Variants in KCNQ3 observed in about 807,000 individuals in gnomAD.
KCNQ3 encodes the protein potassium voltage-gated channel subfamily Q member 3.
In KCNQ3, 30 loss-of-function variants were observed where a neutral mutation model predicts 92.5. That is an observed-to-expected ratio of 0.32 (90% CI 0.24 to 0.44). The LOEUF (loss-of-function observed/expected upper bound fraction) is 0.44, where lower values mean the gene tolerates loss of function less well. Ranked by LOEUF, KCNQ3 falls within the 20% of genes least tolerant of loss-of-function variation. KCNQ3 has a pLI of 1.00. For synonymous variants in KCNQ3, 450 were observed against 468.8 expected (o/e 0.96, Z 0.52); for missense variants, 913 against 1,140.3 (o/e 0.80, Z 2.87).
At chr8:132,135,003 G>C (rs966042181) in intron 12 of KCNQ3, among the ~76,000 whole-genome samples, 6 of 152,002 alleles carry the variant, frequency 3.9e-5, no homozygotes, top group Non-Finnish European at 8.8e-5. Context: ...TTTTATTTTA[G>C]GTTTGGGGGT....
intron 9 of KCNQ3, among the ~76,000 whole-genome samples, chr8:132,148,424 C>T (rs536788356): frequency 2.6e-4 from 39 of 152,258 alleles, no homozygotes; most frequent in South Asian, 1.7e-3. Context: ...TTAGTAGAGA[C>T]GGGGTTTCAC....
chr8:132,135,527 T>G (rs1471410402), intron 12 of KCNQ3, among the ~76,000 whole-genome samples: 1 of 152,120 alleles, frequency 6.6e-6, no homozygotes, highest in Non-Finnish European at 1.5e-5. Flanking sequence ...GCTGGGGATA[T>G]GCAATCAGAG....
rs144682519 is a variant in KCNQ3 at position 132,294,290 on chromosome 8, C to T, written c.387-108109G>A. On this transcript the variant is annotated intron_variant, in intron 1 of 14. Coordinates refer to ENST00000388996, the MANE Select transcript of KCNQ3 (RefSeq NM_004519.4). Reference sequence around the variant, plus strand: ...TGCTGGGATTACAGGCGTGAGCCACCGTACCTGGCCCACTAAGGTATTTTT... The same window carrying T: ...TGCTGGGATTACAGGCGTGAGCCACTGTACCTGGCCCACTAAGGTATTTTT... Among the ~76,000 whole-genome samples, 79 of 152,246 alleles carry T rather than the reference C, an allele frequency of 5.2e-4. No homozygotes were observed. The East Asian group carries it at 0.015, about 29-fold the overall frequency.
chr8:132,293,176 C>T (rs530295223), intron 1 of KCNQ3, among the ~76,000 whole-genome samples: 16 of 152,278 alleles, frequency 1.1e-4, no homozygotes, highest in Admixed American at 5.9e-4. Context: ...TTGTAATATC[C>T]ATATAATAAA....
intron 1 of KCNQ3, among the ~76,000 whole-genome samples, chr8:132,249,067 T>C (rs1815295427): frequency 6.6e-6 from 1 of 152,234 alleles, no homozygotes; most frequent in South Asian, 2.1e-4. Flanking sequence ...GTGGTCTCGC[T>C]GGCCTCAGGA....
At chr8:132,180,770 T>C (rs1231115443) in intron 3 of KCNQ3, among the ~76,000 whole-genome samples, 4 of 150,800 alleles carry the variant, frequency 2.7e-5, no homozygotes, top group African/African-American at 4.9e-5. Context: ...GAACTTGGGT[T>C]CAAGTAATTT....
chr8:132,316,810 A>G (rs543342545), intron 1 of KCNQ3, among the ~76,000 whole-genome samples: 1 of 152,354 alleles, frequency 6.6e-6, no homozygotes, highest in African/African-American at 2.4e-5. Context: ...AAATATAGTC[A>G]ATGAAAATTT....
chr8:132,460,564 T>C (rs948479283), intron 1 of KCNQ3, among the ~76,000 whole-genome samples: 3 of 152,174 alleles, frequency 2.0e-5, no homozygotes, highest in Admixed American at 2.0e-4. Flanking sequence ...AGCACTTACG[T>C]ACTAGGCCTT....
intron 1 of KCNQ3, among the ~76,000 whole-genome samples, chr8:132,431,616 T>TG (rs1821253701): frequency 7.0e-6 from 1 of 143,808 alleles, no homozygotes; most frequent in Non-Finnish European, 1.6e-5. Context: ...AACATATGTA[T>TG]GGGTTGAACT....
chr8:132,147,310 GT>G (rs1404638675), intron 9 of KCNQ3, among the ~76,000 whole-genome samples: 5 of 151,062 alleles, frequency 3.3e-5, no homozygotes, highest in African/African-American at 7.3e-5. Flanking sequence ...CAGATAAGTT[GT>G]GCAATCACAT....
At chr8:132,208,842 T>TG (rs969398593) in intron 1 of KCNQ3, among the ~76,000 whole-genome samples, 1 of 152,168 alleles carries the variant, frequency 6.6e-6, no homozygotes, top group African/African-American at 2.4e-5. Context: ...GTACCATACC[T>TG]GGCACATAGG....
intron 1 of KCNQ3, among the ~76,000 whole-genome samples, chr8:132,277,418 T>C (rs1439245721): frequency 6.6e-6 from 1 of 152,180 alleles, no homozygotes; most frequent in Non-Finnish European, 1.5e-5. Flanking sequence ...ATGCTGAGCA[T>C]CACAGATAGT....
chr8:132,129,361 T>C lies in KCNQ3; in HGVS notation c.2520A>G (p.Thr840=), dbSNP rs780185117. ...CGCTGGGCGTGAAGGGGTCCGTGTCTGTGTCCGTCTCACCCTCGGCGAGGT... is the reference window on the plus strand; with the variant it reads ...CGCTGGGCGTGAAGGGGTCCGTGTCCGTGTCCGTCTCACCCTCGGCGAGGT... ...KRYLAEGETD[T]DTDPFTPSGS... The change falls in exon 15 of 15, where the codon ACA becomes ACG. Residue 840 remains threonine (T), a synonymous_variant. Coordinates refer to ENST00000388996, the MANE Select transcript of KCNQ3 (RefSeq NM_004519.4). The surrounding 1 kb of genome is among the most constrained non-coding windows in gnomAD (Gnocchi z 5.9). The C allele has an allele frequency of 6.2e-7, 1 of 1,614,112 alleles. No individual in the cohort carries two copies. Among genetic ancestry groups the C allele is most frequent in the African/African-American group, 1.3e-5 (1 of 74,944 alleles).
rs144706694 is a variant in KCNQ3 at position 132,356,530 on chromosome 8, C to T, written c.386+123617G>A. The stretch of plus-strand genomic sequence containing the variant: ...GTCCACTCTGCAGACTCATCTTTCC[C>T]CTCAGGAATAACACACACTCTAGTC... On this transcript the variant is annotated intron_variant, in intron 1 of 14. Coordinates refer to ENST00000388996, the MANE Select transcript of KCNQ3 (RefSeq NM_004519.4). Among the ~76,000 whole-genome samples the T allele has an allele frequency of 5.3e-3, 809 of 152,242 alleles. 6 individuals carry two copies. Among genetic ancestry groups the T allele is most frequent in the African/African-American group, 0.017 (717 of 41,536 alleles).
intron 5 of KCNQ3, among the ~76,000 whole-genome samples, chr8:132,175,212 AC>A (rs1256089868): frequency 6.6e-6 from 1 of 152,332 alleles, no homozygotes; most frequent in East Asian, 1.9e-4. Flanking sequence ...TCCATAAACG[AC>A]CATGCAACCA....
intron 1 of KCNQ3, among the ~76,000 whole-genome samples, chr8:132,437,255 G>C (rs1000404004): frequency 6.0e-5 from 9 of 150,850 alleles, no homozygotes; most frequent in African/African-American, 2.2e-4. Context: ...ACTCCAGCCT[G>C]GGCGACAGCG....
At chr8:132,277,356 C>G (rs1244185589) in intron 1 of KCNQ3, among the ~76,000 whole-genome samples, 1 of 152,188 alleles carries the variant, frequency 6.6e-6, no homozygotes, top group Admixed American at 6.5e-5. Flanking sequence ...CAACATCTGG[C>G]CAAGCCCAGG....
At chr8:132,222,262 A>C (rs1367578791) in intron 1 of KCNQ3, among the ~76,000 whole-genome samples, 1 of 152,222 alleles carries the variant, frequency 6.6e-6, no homozygotes, top group Non-Finnish European at 1.5e-5. Flanking sequence ...ACTGAAGAAA[A>C]AGCTTATCTT....
intron 1 of KCNQ3, among the ~76,000 whole-genome samples, chr8:132,372,157 T>C (rs1563883380): frequency 6.6e-6 from 1 of 152,114 alleles, no homozygotes; most frequent in Non-Finnish European, 1.5e-5. Context: ...AGCCCTTTAA[T>C]GGCTTCCTCT....
Sources: gnomAD v4.1 joint callset for allele counts (sites outside exome capture counted in the v4.1 genomes callset) on GRCh38, gnomAD v4.1.1 for gene constraint, Gnocchi (gnomAD v3.1) non-coding constraint, MANE v1.5 for transcripts, NCBI Gene and HGNC (gene_info 2026-07-23, HGNC 2026-07-21) for gene names.